SHTN1: variants seen among roughly 807,000 people sequenced by gnomAD.
SHTN1 encodes shootin 1.
In SHTN1, 42 loss-of-function variants were observed where a neutral mutation model predicts 83.1. The ratio of observed to expected loss-of-function variants is 0.51; its 90% CI spans 0.39 to 0.65. The LOEUF is 0.65. Among genes scored for constraint, SHTN1 ranks in the 30% least tolerant of loss-of-function variants. The pLI is 0.00. For missense variants in SHTN1, 622 were observed against 737.8 expected (o/e 0.84, Z 1.82); for synonymous variants, 224 against 247.7 (o/e 0.90, Z 0.90).
chr10:117,044,753 G>A (rs1489350414), intron 2 of SHTN1, among the ~76,000 whole-genome samples: 1 of 152,122 alleles, frequency 6.6e-6, no homozygotes, highest in Non-Finnish European at 1.5e-5. Flanking sequence ...CTATGTTGAA[G>A]TGAAAAGTAT....
At chr10:116,899,768 C>A (rs1847665677) in intron 16 of SHTN1, among the ~76,000 whole-genome samples, 1 of 152,110 alleles carries the variant, frequency 6.6e-6, no homozygotes, top group Non-Finnish European at 1.5e-5. Context: ...TAATTGCTGA[C>A]CCGACTTCAA....
chr10:117,061,162 T>C (rs1265241232), intron 1 of SHTN1, among the ~76,000 whole-genome samples: 2 of 150,836 alleles, frequency 1.3e-5, no homozygotes, highest in Admixed American at 6.6e-5. Context: ...TTTTTTTTTT[T>C]CTGAGGTGGA....
rs921586672 is a variant in SHTN1, at chr10:116,930,217, G to A, written c.859-215C>T. On this transcript the variant is annotated intron_variant, in intron 9 of 16. Coordinates refer to ENST00000355371, the MANE Select transcript of SHTN1 (RefSeq NM_001127211.3). ...TAAAATAAATTTACTGGGGAGTTAC[G>A]TACCAGACACTTTAATTTTTTTTAA... Among the ~76,000 whole-genome samples, 13 of 152,178 alleles carry A rather than the reference G, an allele frequency of 8.5e-5. 1 individual carries two copies. The highest frequency in any genetic ancestry group is 5.2e-4 in the Admixed American group (8 of 15,284).
At chr10:116,982,962 C>CAAA (rs534195833) in intron 1 of SHTN1, among the ~76,000 whole-genome samples, 1 of 138,094 alleles carries the variant, frequency 7.2e-6, no homozygotes, top group Non-Finnish European at 1.6e-5. Flanking sequence ...GACTCTGTCT[C>CAAA]AAAAAAAAAA....
chr10:116,960,587 T>G (rs772970866), intron 3 of SHTN1, among the ~76,000 whole-genome samples: 2 of 152,128 alleles, frequency 1.3e-5, no homozygotes, highest in Non-Finnish European at 2.9e-5. Context: ...TAAAGAGGAG[T>G]GACAGCATGA....
chr10:117,111,183 G>A (rs1475896805), intron 1 of SHTN1, among the ~76,000 whole-genome samples: 1 of 152,106 alleles, frequency 6.6e-6, no homozygotes, highest in Admixed American at 6.5e-5. Flanking sequence ...GGGCAACAGA[G>A]TGAGGCCCTG....
At chr10:116,956,477 A>C (rs1273639308) in intron 4 of SHTN1, among the ~76,000 whole-genome samples, 1 of 152,250 alleles carries the variant, frequency 6.6e-6, no homozygotes, top group Non-Finnish European at 1.5e-5. Context: ...TATTTAATAT[A>C]GTAACTGCCA....
rs375947001 is a variant in SHTN1 at position 116,921,971 on chromosome 10, T to C, written c.1113-455A>G. Among the ~76,000 whole-genome samples the C allele has an allele frequency of 1.3e-3, 194 of 152,306 alleles. 1 individual carries two copies. The highest frequency in any genetic ancestry group is 4.3e-3 in the African/African-American group (180 of 41,570). ...CAGCATGATGTAGACTAAATACTTA[T>C]GGATAAAACATATTTACATCACTCT... On this transcript the variant is annotated intron_variant, in intron 11 of 16. Transcript: ENST00000355371.
chr10:117,118,205 A>G (rs1853875344), intron 1 of SHTN1, among the ~76,000 whole-genome samples: 1 of 152,110 alleles, frequency 6.6e-6, no homozygotes, highest in East Asian at 1.9e-4. Context: ...AAACACACAT[A>G]CATACACACA....
chr10:116,954,244 G>A, intron 4 of SHTN1, 34 bp from the exon 5 acceptor site: 1 of 1,419,680 alleles, frequency 7.0e-7, no homozygotes, highest in Non-Finnish European at 9.6e-7. Flanking sequence ...TATTTTAAAA[G>A]CAGCCAAATG....
chr10:116,921,143 C>T (rs926417845), intron 12 of SHTN1, among the ~76,000 whole-genome samples: 1 of 152,118 alleles, frequency 6.6e-6, no homozygotes, highest in African/African-American at 2.4e-5. Flanking sequence ...TGCCCCAAAT[C>T]CCTCATTTGG....
chr10:116,980,547 C>CA (rs751077730), intron 1 of SHTN1, among the ~76,000 whole-genome samples: 4,580 of 110,196 alleles, frequency 0.042, 196 homozygotes, highest in African/African-American at 0.13. Context: ...ATTTATCTAC[C>CA]AAAAAAAAAA....
At chr10:116,992,148 CAAACA>C (rs1372313513) in intron 1 of SHTN1, among the ~76,000 whole-genome samples, 1 of 152,006 alleles carries the variant, frequency 6.6e-6, no homozygotes, top group Non-Finnish European at 1.5e-5. Context: ...TCTCAAAAAA[CAAACA>C]AAACAAAACG....
chr10:116,977,247 T>C (rs1054872265), intron 2 of SHTN1, among the ~76,000 whole-genome samples: 2 of 152,214 alleles, frequency 1.3e-5, no homozygotes, highest in African/African-American at 2.4e-5. Flanking sequence ...TCTTACATTA[T>C]TCATTTTCTT....
At chr10:117,005,290 C>T (rs1368659121), upstream of SHTN1, 2 of 1,409,318 alleles carry the variant, frequency 1.4e-6, no homozygotes, top group Admixed American at 2.6e-5. Flanking sequence ...CACCTGCAGG[C>T]GGGGCGGGGC....
At chr10:117,096,971 C>A (rs556600128) in intron 1 of SHTN1, among the ~76,000 whole-genome samples, 28 of 152,188 alleles carry the variant, frequency 1.8e-4, no homozygotes, top group African/African-American at 6.3e-4. Flanking sequence ...GCTTTAATAA[C>A]AGTGAAGTAA....
chr10:116,922,018 A>C (rs925948294), intron 11 of SHTN1, among the ~76,000 whole-genome samples: 3 of 152,212 alleles, frequency 2.0e-5, no homozygotes, highest in Non-Finnish European at 4.4e-5. Context: ...ATTTAAAAAC[A>C]AATCTATGTA....
chr10:117,106,563 T>C (rs1853673890), intron 1 of SHTN1, among the ~76,000 whole-genome samples: 1 of 152,166 alleles, frequency 6.6e-6, no homozygotes, highest in African/African-American at 2.4e-5. Flanking sequence ...TTGTGTGCAG[T>C]CTTCTCAGGC....
intron 2 of SHTN1, among the ~76,000 whole-genome samples, chr10:117,037,902 G>C (rs61873015): frequency 0.2 from 41 of 200 alleles, no homozygotes; most frequent in Admixed American, 0.47. Flanking sequence ...GGTACTTGGG[G>C]AGGTGAGGCA....
Sources: allele counts gnomAD v4.1 joint callset (sites outside exome capture counted in the v4.1 genomes callset), GRCh38; gene constraint gnomAD v4.1.1; transcripts MANE v1.5; gene names NCBI Gene and HGNC (gene_info 2026-07-23, HGNC 2026-07-21).